The following THSD7B variants were observed in gnomAD, a reference collection of about 807,000 sequenced individuals.
THSD7B encodes thrombospondin type-1 domain-containing protein 7B.
In THSD7B, 138 loss-of-function variants were observed where a neutral mutation model predicts 213.6. That is an observed-to-expected ratio of 0.65 (90% CI 0.56 to 0.74). THSD7B has a LOEUF of 0.74. THSD7B is among the 30% of genes least tolerant of loss of function. THSD7B has a pLI of 0.00. For missense variants in THSD7B, 1,931 were observed against 1,991.5 expected (o/e 0.97, Z 0.58); for synonymous variants, 742 against 687.0 (o/e 1.08, Z -1.25).
At chr2:137,028,138 T>G (rs1193973450) in intron 2 of THSD7B, among the ~76,000 whole-genome samples, 1 of 152,204 alleles carries the variant, frequency 6.6e-6, no homozygotes, top group African/African-American at 2.4e-5. Context: ...TGGTTGTTTT[T>G]GGACCTAGTT....
chr2:137,204,377 C>T (rs1680940541), intron 7 of THSD7B, among the ~76,000 whole-genome samples: 2 of 152,026 alleles, frequency 1.3e-5, no homozygotes, highest in Admixed American at 1.3e-4. Flanking sequence ...ATTAATTTCT[C>T]CAGGTGGTAT....
At chr2:137,229,323 T>C (rs1681586275) in intron 7 of THSD7B, among the ~76,000 whole-genome samples, 1 of 151,868 alleles carries the variant, frequency 6.6e-6, no homozygotes, top group African/African-American at 2.4e-5. Context: ...GCCTGCCTGC[T>C]TCTATACTTG....
At chr2:137,582,999 C>G (rs1256972864) in intron 17 of THSD7B, among the ~76,000 whole-genome samples, 2 of 152,160 alleles carry the variant, frequency 1.3e-5, no homozygotes, top group Non-Finnish European at 2.9e-5. Flanking sequence ...TCTCCAGCAC[C>G]TGTTGTTTCC....
intron 14 of THSD7B, among the ~76,000 whole-genome samples, chr2:137,418,742 A>G (rs1210529063): frequency 1.3e-5 from 2 of 151,886 alleles, no homozygotes; most frequent in South Asian, 2.1e-4. Flanking sequence ...TATTTTTATG[A>G]CATCTCCTTT....
At chr2:137,311,547 A>C (rs899471305) in intron 12 of THSD7B, among the ~76,000 whole-genome samples, 3 of 152,084 alleles carry the variant, frequency 2.0e-5, no homozygotes, top group Non-Finnish European at 4.4e-5. Context: ...ACTATGTTGA[A>C]TAGGAGTGGT....
At chr2:137,000,455 C>A (rs1333391935) in intron 2 of THSD7B, among the ~76,000 whole-genome samples, 1 of 152,038 alleles carries the variant, frequency 6.6e-6, no homozygotes, top group Admixed American at 6.6e-5. Context: ...GTATCTTTAG[C>A]ATTAAGAAGG....
chr2:137,240,974 C>T (rs771903958), intron 9 of THSD7B, among the ~76,000 whole-genome samples: 10 of 152,106 alleles, frequency 6.6e-5, no homozygotes, highest in Non-Finnish European at 1.2e-4. Flanking sequence ...TCTCTATTCT[C>T]TCTTACTGGA....
At chr2:137,373,203 G>A (rs971748065) in intron 12 of THSD7B, among the ~76,000 whole-genome samples, 1 of 152,118 alleles carries the variant, frequency 6.6e-6, no homozygotes, top group African/African-American at 2.4e-5. Flanking sequence ...ACTCCTTTGG[G>A]TATATACCCA....
intron 4 of THSD7B, among the ~76,000 whole-genome samples, chr2:137,113,380 T>C (rs1401912396): frequency 6.6e-6 from 1 of 152,206 alleles, no homozygotes; most frequent in Non-Finnish European, 1.5e-5. Flanking sequence ...TCTTTATTTC[T>C]CATACCCAGG....
chr2:137,016,484 C>G (rs1388481167), intron 2 of THSD7B, among the ~76,000 whole-genome samples: 1 of 152,152 alleles, frequency 6.6e-6, no homozygotes, highest in Non-Finnish European at 1.5e-5. Flanking sequence ...TGGACAAACG[C>G]TGCCATCTTA....
At chr2:137,476,181 GTTGT>G (rs1473437277) in intron 15 of THSD7B, among the ~76,000 whole-genome samples, 1 of 151,876 alleles carries the variant, frequency 6.6e-6, no homozygotes, top group East Asian at 1.9e-4. Context: ...TTTCTCTTGA[GTTGT>G]TTGAGTTCCT....
chr2:136,845,910 T>C (rs535440220), intron 1 of THSD7B, among the ~76,000 whole-genome samples: 1 of 152,284 alleles, frequency 6.6e-6, no homozygotes, highest in South Asian at 2.1e-4. Context: ...TCCCACAGTA[T>C]GTTGTTTATA....
chr2:137,162,850 C>T (rs1680045584), intron 6 of THSD7B, among the ~76,000 whole-genome samples: 1 of 152,094 alleles, frequency 6.6e-6, no homozygotes, highest in Non-Finnish European at 1.5e-5. Flanking sequence ...ACCTCTGCCT[C>T]CTGGGTTCAA....
At chr2:137,656,759 T>G in intron 22 of THSD7B, 37 bp from the exon 23 acceptor site, 1 of 1,578,694 alleles carries the variant, frequency 6.3e-7, no homozygotes, top group Admixed American at 1.8e-5. Context: ...CCACTTTTCA[T>G]GCTGTTTTCT....
intron 4 of THSD7B, among the ~76,000 whole-genome samples, chr2:137,107,757 G>A (rs146172405): frequency 3.3e-5 from 5 of 152,192 alleles, no homozygotes; most frequent in South Asian, 2.1e-4. Flanking sequence ...GAAAGTTAAC[G>A]TACTGCTAAG....
intron 9 of THSD7B, among the ~76,000 whole-genome samples, chr2:137,233,637 A>G (rs1558967842): frequency 6.6e-6 from 1 of 152,316 alleles, no homozygotes; most frequent in East Asian, 1.9e-4. Flanking sequence ...GTTATACTCT[A>G]TGTACATGGA....
At chr2:137,085,631 A>G (rs1210546965) in intron 3 of THSD7B, among the ~76,000 whole-genome samples, 1 of 152,132 alleles carries the variant, frequency 6.6e-6, no homozygotes, top group East Asian at 1.9e-4. Flanking sequence ...AGAAAAAGTT[A>G]TATAGGTTAA....
intron 14 of THSD7B, among the ~76,000 whole-genome samples, chr2:137,437,305 T>G (rs1687315195): frequency 6.6e-6 from 1 of 151,948 alleles, no homozygotes; most frequent in Non-Finnish European, 1.5e-5. Flanking sequence ...TGTCTCCCAC[T>G]CCCCCCATGC....
intron 2 of THSD7B, among the ~76,000 whole-genome samples, chr2:136,978,990 G>A (rs2104806067): frequency 6.6e-6 from 1 of 151,748 alleles, no homozygotes; most frequent in East Asian, 1.9e-4. Context: ...GCCTGGTGGT[G>A]ATGAATTCCC....
Sources: allele counts gnomAD v4.1 joint callset (sites outside exome capture counted in the v4.1 genomes callset), GRCh38; gene constraint gnomAD v4.1.1; transcripts MANE v1.5; gene names NCBI Gene and HGNC (gene_info 2026-07-23, HGNC 2026-07-21).